The following CAPN5 variants were observed in gnomAD, a reference collection of about 807,000 sequenced individuals.
CAPN5 encodes the protein calpain 5, also known as calpain-5.
A neutral mutation model predicts 73.0 loss-of-function variants in CAPN5; 54 were observed. The observed-to-expected ratio is 0.74, with a 90% CI of 0.59 to 0.93. The LOEUF is 0.93. Among genes scored for constraint, CAPN5 ranks in the 40% least tolerant of loss-of-function variants. CAPN5 has a pLI of 0.00. For synonymous variants in CAPN5, 335 were observed against 356.9 expected (o/e 0.94, Z 0.69); for missense variants, 785 against 882.9 (o/e 0.89, Z 1.41).
chr11:77,087,848 G>A (rs1950104858), intron 2 of CAPN5: 1 of 1,503,600 alleles, frequency 6.7e-7, no homozygotes, highest in Non-Finnish European at 8.9e-7. Flanking sequence ...TCTGCAGGTG[G>A]GACCAGGCCT....
At chr11:77,116,902 T>TA (rs1343163747) in intron 7 of CAPN5, among the ~76,000 whole-genome samples, 2 of 152,094 alleles carry the variant, frequency 1.3e-5, no homozygotes, top group African/African-American at 4.8e-5. Flanking sequence ...GCTAAGCAGG[T>TA]ACATGGGTGA....
Position 77,120,910 on chromosome 11 carries a change from G to T in CAPN5, c.1487+1G>T. On this transcript the variant is annotated splice_donor_variant, in intron 10 of 12. Transcript: ENST00000648180. LOFTEE classifies it high-confidence loss of function. ...TCACTGATGTGCCCTCCAACTGCCG[G>T]TACTTGGGGGCTGGCTTGAGGCCAG... 1 of 1,610,508 alleles carries T rather than the reference G, an allele frequency of 6.2e-7. No homozygotes were observed. Among genetic ancestry groups the T allele is most frequent in the Non-Finnish European group, 8.5e-7 (1 of 1,177,404 alleles).
chr11:77,093,555 G>A, intron 2 of CAPN5, 127 bp from the exon 3 acceptor site: 1 of 1,386,246 alleles, frequency 7.2e-7, no homozygotes, highest in Non-Finnish European at 9.7e-7. Flanking sequence ...GGAGGCAGGT[G>A]AATCACCATG....
In CAPN5 at chr11:77,120,702, G is replaced by T. The variant is rs781900344; in HGVS notation, c.1291-11G>T. On this transcript the variant is annotated splice_polypyrimidine_tract_variant and intron_variant, in intron 9 of 12. Transcript: ENST00000648180. Reference sequence around the variant, plus strand: ...GTCTCCGCGTGGCCCAGCCCCTCCCGCCTCCTGCAGGTGGAGGAGAACCGC... The same window carrying T: ...GTCTCCGCGTGGCCCAGCCCCTCCCTCCTCCTGCAGGTGGAGGAGAACCGC... 7 of 1,590,538 alleles carry T rather than the reference G, an allele frequency of 4.4e-6. No homozygotes were observed. In the African/African-American group the frequency reaches 8.0e-5, roughly 18 times the overall value.
intron 2 of CAPN5, among the ~76,000 whole-genome samples, chr11:77,090,013 G>C (rs1202326798): frequency 1.3e-5 from 2 of 152,188 alleles, no homozygotes; most frequent in Non-Finnish European, 2.9e-5. Flanking sequence ...CTGTGCCTTG[G>C]TTTCCTCATC....
chr11:77,099,707 TGGGGAG>T (rs1808387815), intron 3 of CAPN5, among the ~76,000 whole-genome samples: 1 of 71,662 alleles, frequency 1.4e-5, no homozygotes, highest in Non-Finnish European at 2.8e-5. Flanking sequence ...AGGGAGACCG[TGGGGAG>T]AGGGAGAGGG....
At chr11:77,078,686 T>C (rs1013791727) in intron 1 of CAPN5, among the ~76,000 whole-genome samples, 3 of 152,188 alleles carry the variant, frequency 2.0e-5, no homozygotes, top group Non-Finnish European at 2.9e-5. Flanking sequence ...CTAATTCTTA[T>C]CTACATATAC....
chr11:77,089,598 G>A (rs1950128444), intron 2 of CAPN5, among the ~76,000 whole-genome samples: 1 of 152,216 alleles, frequency 6.6e-6, no homozygotes, highest in Non-Finnish European at 1.5e-5. Flanking sequence ...CACCCCCTAA[G>A]CTGGGTTAGG....
At position 77,120,923 on chromosome 11, in the gene CAPN5, G is replaced by A. The variant is rs782387917; in HGVS notation, c.1487+14G>A. 2 of 1,608,038 alleles carry A rather than the reference G, an allele frequency of 1.2e-6. No individual in the cohort carries two copies. Among genetic ancestry groups the A allele is most frequent in the Non-Finnish European group, 1.7e-6 (2 of 1,175,912 alleles). On this transcript the variant is annotated intron_variant, in intron 10 of 12. Transcript: ENST00000648180. ...CTCCAACTGCCGGTACTTGGGGGCT[G>A]GCTTGAGGCCAGTGTGGGTGGGAGT...
At chr11:77,073,071 C>T in intron 1 of CAPN5, 1 of 1,289,692 alleles carries the variant, frequency 7.8e-7, no homozygotes, top group South Asian at 1.2e-5. Flanking sequence ...CACAGGGACG[C>T]CCAGCTGTAT....
intron 3 of CAPN5, among the ~76,000 whole-genome samples, chr11:77,109,804 C>T (rs1389303449): frequency 2.6e-5 from 4 of 152,196 alleles, no homozygotes; most frequent in East Asian, 1.9e-4. Context: ...GACTCTGGGT[C>T]TCCAGGCCCT....
At chr11:77,108,175 A>G (rs1950370991) in intron 3 of CAPN5, among the ~76,000 whole-genome samples, 1 of 152,244 alleles carries the variant, frequency 6.6e-6, no homozygotes, top group African/African-American at 2.4e-5. Flanking sequence ...GGAAGACTCC[A>G]GCCAGCTTTG....
chr11:77,072,038 A>G (rs948324268), intron 1 of CAPN5, among the ~76,000 whole-genome samples: 5 of 152,058 alleles, frequency 3.3e-5, no homozygotes, highest in African/African-American at 1.2e-4. Flanking sequence ...CCCTGCCTGC[A>G]TCCTGGGCCT....
intron 3 of CAPN5, 59 bp downstream of exon 3, chr11:77,093,872 T>C: frequency 6.3e-7 from 1 of 1,582,594 alleles, no homozygotes; most frequent in South Asian, 1.1e-5. Context: ...CCTGTGGCCC[T>C]CACTGCCAGA....
intron 3 of CAPN5, among the ~76,000 whole-genome samples, chr11:77,111,284 A>T (rs180897590): frequency 2.6e-4 from 40 of 152,206 alleles, no homozygotes; most frequent in Non-Finnish European, 2.1e-4. Context: ...CTGGTTGCAG[A>T]GTGGTCCACA....
intron 3 of CAPN5, among the ~76,000 whole-genome samples, chr11:77,095,374 C>T (rs1950197214): frequency 2.0e-5 from 3 of 152,150 alleles, no homozygotes; most frequent in Non-Finnish European, 2.9e-5. Flanking sequence ...GCTGAAGGGG[C>T]ACATGGGCAT....
chr11:77,110,184 T>C (rs895409482), intron 3 of CAPN5, among the ~76,000 whole-genome samples: 2 of 151,380 alleles, frequency 1.3e-5, no homozygotes, highest in Admixed American at 1.3e-4. Context: ...GCCTCCCAGG[T>C]TCAAGCGATT....
intron 1 of CAPN5, among the ~76,000 whole-genome samples, chr11:77,078,078 C>T (rs1294634980): frequency 4.6e-5 from 7 of 152,046 alleles, no homozygotes; most frequent in Non-Finnish European, 1.0e-4. Context: ...TATGTAATCC[C>T]TTTTGTCTAT....
chr11:77,090,349 G>A (rs930234155), intron 2 of CAPN5, among the ~76,000 whole-genome samples: 5 of 152,162 alleles, frequency 3.3e-5, no homozygotes, highest in East Asian at 1.9e-4. Context: ...TCTGGGAATC[G>A]TGACTCCCAA....
Sources: allele counts gnomAD v4.1 joint callset (sites outside exome capture counted in the v4.1 genomes callset), GRCh38; gene constraint gnomAD v4.1.1; transcripts MANE v1.5; gene names NCBI Gene and HGNC (gene_info 2026-07-23, HGNC 2026-07-21).